Variants in HDAC4 observed in about 807,000 individuals in gnomAD.
HDAC4 encodes histone deacetylase 4.
A neutral mutation model predicts 135.1 loss-of-function variants in HDAC4; 16 were observed. The ratio of observed to expected loss-of-function variants is 0.12; its 90% confidence interval spans 0.08 to 0.18. HDAC4 has a LOEUF of 0.18. Among genes scored for constraint, HDAC4 ranks in the 10% least tolerant of loss-of-function variants. The probability of loss-of-function intolerance (pLI) is 1.00; values close to 1 mark genes in which losing one functional copy is unlikely to be tolerated. For synonymous variants in HDAC4, 685 were observed against 653.4 expected, an observed-to-expected ratio of 1.05 and a Z score of -0.74; for missense variants, 1,143 against 1,511.8, an observed-to-expected ratio of 0.76 and a Z score of 4.05.
rs1228463046 is a variant in HDAC4 at position 239,349,985 on chromosome 2, C to T, written c.22+2693G>A. 6.6e-6 allele frequency among the ~76,000 whole-genome samples: 1 copy of T among 152,102 alleles called. No individual in the cohort carries two copies. Among genetic ancestry groups the T allele is most frequent in the East Asian group, 1.9e-4 (1 of 5,184 alleles). ...CCAACTCACATGGGCAGGACAGGCCCGGGCAGGCCGGTGATCAAACTGAAC... is the reference window on the plus strand; with the variant it reads ...CCAACTCACATGGGCAGGACAGGCCTGGGCAGGCCGGTGATCAAACTGAAC... On this transcript the variant is annotated intron_variant, in intron 2 of 26. Transcript: ENST00000543185. This position sits in a 1 kb window ranked among gnomAD's most constrained non-coding sequence, Gnocchi z 5.7.
chr2:239,138,166 T>C (rs2041103590), intron 9 of HDAC4, among the ~76,000 whole-genome samples: 1 of 152,198 alleles, frequency 6.6e-6, no homozygotes, highest in Non-Finnish European at 1.5e-5. Context: ...CAGAGGACTG[T>C]TAAAACTTCT....
In HDAC4 at chr2:239,146,471, C is replaced by T. The variant is rs975399214; in HGVS notation, c.734-1757G>A. On this transcript the variant is annotated intron_variant, in intron 7 of 26. Transcript: ENST00000543185. This position sits in a 1 kb window ranked among gnomAD's most constrained non-coding sequence, Gnocchi z 4.5. Reference sequence around the variant, plus strand: ...CTGCCCTGCCACATAGAGTGGGACACGTGGCATCGGGAGGCGGGCATGACA... The same window carrying T: ...CTGCCCTGCCACATAGAGTGGGACATGTGGCATCGGGAGGCGGGCATGACA... 3.9e-5 allele frequency among the ~76,000 whole-genome samples: 6 copies of T among 152,102 alleles called. No homozygotes were observed. The highest frequency in any genetic ancestry group is 7.2e-5 in the African/African-American group (3 of 41,418).
At position 239,118,516 on chromosome 2, in the gene HDAC4, C is replaced by T. The variant is rs116568589; in HGVS notation, c.1534-3206G>A. Among the ~76,000 whole-genome samples the T allele has an allele frequency of 3.3e-3, 503 of 152,302 alleles. 7 individuals are homozygous for T. Among genetic ancestry groups the T allele is most frequent in the African/African-American group, 0.012 (488 of 41,560 alleles). Reference sequence around the variant, plus strand: ...GCCGCGCGTCGGGAACAGGAACGTGCTGTCCACGGGTGAGCGTGCCGTTGG... The same window carrying T: ...GCCGCGCGTCGGGAACAGGAACGTGTTGTCCACGGGTGAGCGTGCCGTTGG... On this transcript the variant is annotated intron_variant, in intron 12 of 26. Transcript: ENST00000543185.
intron 3 of HDAC4, among the ~76,000 whole-genome samples, chr2:239,218,556 G>T (rs1298860371): frequency 1.3e-5 from 2 of 150,710 alleles, no homozygotes; most frequent in Non-Finnish European, 3.0e-5. Flanking sequence ...ACATAGGCAT[G>T]GGCAAGGACT....
intron 12 of HDAC4, among the ~76,000 whole-genome samples, chr2:239,123,206 C>A (rs1275428057): frequency 4.6e-5 from 7 of 152,208 alleles, no homozygotes; most frequent in Admixed American, 2.0e-4. Context: ...AATTAACAAA[C>A]CTAAGTTGGC....
At chr2:239,337,290 A>T (rs184567228) in intron 2 of HDAC4, among the ~76,000 whole-genome samples, 1 of 152,158 alleles carries the variant, frequency 6.6e-6, no homozygotes, top group African/African-American at 2.4e-5. Flanking sequence ...TCACCGGCGA[A>T]ATAAACGTTT....
intron 1 of HDAC4, among the ~76,000 whole-genome samples, chr2:239,383,261 C>T (rs994904571): frequency 6.6e-6 from 1 of 152,196 alleles, no homozygotes; most frequent in Admixed American, 6.5e-5. Flanking sequence ...CCCTCACAAG[C>T]AGGAGGCCCT....
intron 17 of HDAC4, chr2:239,093,917 C>T: frequency 1.0e-6 from 1 of 982,646 alleles, no homozygotes; most frequent in East Asian, 1.1e-4. Context: ...TAAAATAACT[C>T]TAGGAGGGCT....
chr2:239,255,229 A>G (rs2048986426), intron 2 of HDAC4, among the ~76,000 whole-genome samples: 1 of 152,100 alleles, frequency 6.6e-6, no homozygotes, highest in Non-Finnish European at 1.5e-5. Flanking sequence ...ATTAATAACT[A>G]CTGAATATTC....
chr2:239,116,899 C>G (rs1426587813), intron 12 of HDAC4, among the ~76,000 whole-genome samples: 2 of 152,224 alleles, frequency 1.3e-5, no homozygotes, highest in Non-Finnish European at 2.9e-5. Flanking sequence ...GTCAGCTGAT[C>G]TTCCTGATAG....
intron 2 of HDAC4, among the ~76,000 whole-genome samples, chr2:239,296,886 G>A (rs1266632376): frequency 6.6e-6 from 1 of 152,034 alleles, no homozygotes; most frequent in Non-Finnish European, 1.5e-5. Context: ...GACAGTCCTG[G>A]AGCCATTTGC....
chr2:239,161,903 C>T (rs1261137014), intron 6 of HDAC4: 6 of 365,426 alleles, frequency 1.6e-5, no homozygotes, highest in East Asian at 7.3e-5. Context: ...CTTCTTCTCC[C>T]GTGGCCTCCT....
chr2:239,351,085 T>A (rs1341101918), intron 2 of HDAC4, among the ~76,000 whole-genome samples: 1 of 152,316 alleles, frequency 6.6e-6, no homozygotes, highest in African/African-American at 2.4e-5. Context: ...ATTAGGAAGA[T>A]CAGTTGGAAC....
At chr2:239,055,633 C>T (rs1319031062) in intron 24 of HDAC4, among the ~76,000 whole-genome samples, 1 of 150,914 alleles carries the variant, frequency 6.6e-6, no homozygotes, top group East Asian at 2.0e-4. Context: ...ATGAGAATCA[C>T]TTGAATCCAG....
intron 1 of HDAC4, among the ~76,000 whole-genome samples, chr2:239,353,921 C>T (rs994025030): frequency 6.6e-6 from 1 of 152,202 alleles, no homozygotes; most frequent in African/African-American, 2.4e-5. Context: ...ATTCTAAAGT[C>T]CGCATTCCTC....
intron 1 of HDAC4, among the ~76,000 whole-genome samples, chr2:239,371,102 C>A (rs1355350133): frequency 5.9e-5 from 9 of 152,230 alleles, no homozygotes. Context: ...TCACCCAGGA[C>A]AGAGTCCACC....
chr2:239,378,800 G>A (rs922398292), intron 1 of HDAC4, among the ~76,000 whole-genome samples: 2 of 152,204 alleles, frequency 1.3e-5, no homozygotes, highest in African/African-American at 4.8e-5. Flanking sequence ...AGGGATCCAT[G>A]CATCTCCTAC....
intron 22 of HDAC4, among the ~76,000 whole-genome samples, chr2:239,074,706 C>G (rs183985418): frequency 6.6e-6 from 1 of 152,180 alleles, no homozygotes; most frequent in Non-Finnish European, 1.5e-5. Context: ...CTTCAGCACC[C>G]GTTTGTGGCG....
At chr2:239,339,779 G>A (rs1162334117) in intron 2 of HDAC4, among the ~76,000 whole-genome samples, 1 of 152,104 alleles carries the variant, frequency 6.6e-6, no homozygotes, top group Non-Finnish European at 1.5e-5. Flanking sequence ...CAGCATCCAG[G>A]TAACTTCCAA....
Sources: gnomAD v4.1 joint callset for allele counts (sites outside exome capture counted in the v4.1 genomes callset) on GRCh38, gnomAD v4.1.1 for gene constraint, Gnocchi (gnomAD v3.1) non-coding constraint, MANE v1.5 for transcripts, NCBI Gene and HGNC (gene_info 2026-07-23, HGNC 2026-07-21) for gene names.